Variants in ADD1 observed in about 807,000 individuals in gnomAD.
ADD1 encodes adducin 1.
ADD1 carries 24 observed loss-of-function variants against 80.5 expected under a neutral mutation model. The observed-to-expected ratio is 0.30, with a 90% CI of 0.22 to 0.42. The LOEUF is 0.42. Ranked by LOEUF, ADD1 falls within the 10% of genes least tolerant of loss-of-function variation. The pLI is 1.00. For missense variants in ADD1, 948 were observed against 1,019.0 expected, an observed-to-expected ratio of 0.93 and a Z score of 0.95; for synonymous variants, 373 against 393.8, an observed-to-expected ratio of 0.95 and a Z score of 0.63.
At chr4:2,863,426 G>T (rs550602546) in intron 1 of ADD1, among the ~76,000 whole-genome samples, 11 of 152,090 alleles carry the variant, frequency 7.2e-5, no homozygotes, top group African/African-American at 2.7e-4. Context: ...GTAATAATTA[G>T]AAGCAAATTA....
chr4:2,925,853 G>GCTTC (rs908864969), intron 14 of ADD1, among the ~76,000 whole-genome samples, 161 bp from the exon 15 acceptor site: 12 of 152,364 alleles, frequency 7.9e-5, no homozygotes, highest in African/African-American at 2.6e-4. Context: ...CCAGGTCACA[G>GCTTC]CTTCCTTTAT....
chr4:2,876,794 A>C (rs1475743597), intron 2 of ADD1, among the ~76,000 whole-genome samples: 1 of 150,900 alleles, frequency 6.6e-6, no homozygotes. Context: ...AGCCGAGATC[A>C]TGCCACTGCA....
intron 1 of ADD1, among the ~76,000 whole-genome samples, chr4:2,851,884 C>T (rs1577415357): frequency 6.6e-6 from 1 of 152,068 alleles, no homozygotes; most frequent in East Asian, 1.9e-4. Flanking sequence ...TCTTGTTGCC[C>T]AGGCTGGAGC....
chr4:2,884,291 C>G (rs975410612), intron 3 of ADD1, among the ~76,000 whole-genome samples: 12 of 152,196 alleles, frequency 7.9e-5, no homozygotes, highest in Non-Finnish European at 4.4e-5. Context: ...AGATAAATAT[C>G]TCAGAACCAT....
In ADD1 at chr4:2,904,636, G is replaced by A. The variant is rs543430304; in HGVS notation, c.1162-128G>A. 88 of 818,644 alleles carry A rather than the reference G, an allele frequency of 1.1e-4. 1 individual carries two copies. The highest frequency in any genetic ancestry group is 7.4e-4 in the South Asian group (42 of 56,740). The allele number at this position is 818,644 out of a possible 1,614,324, so 50.7% of individuals were successfully genotyped here. ...GCTTCTGTGGGGTGTAAAATTAGGA[G>A]TGGAATTACTGAGTCATAGGGTATG... On this transcript the variant is annotated intron_variant, in intron 9 of 15. Coordinates refer to ENST00000683351, the MANE Select transcript of ADD1 (RefSeq NM_001354761.2).
chr4:2,915,939 C>T (rs569789009), intron 14 of ADD1, among the ~76,000 whole-genome samples: 9 of 152,246 alleles, frequency 5.9e-5, no homozygotes, highest in Admixed American at 1.3e-4. Flanking sequence ...TAAGACACAC[C>T]GGGGCCCCTC....
intron 1 of ADD1, among the ~76,000 whole-genome samples, chr4:2,856,506 G>A (rs1294050743): frequency 6.7e-6 from 1 of 148,756 alleles, no homozygotes; most frequent in African/African-American, 2.5e-5. Context: ...CTGGGAAGTT[G>A]TCAGCCATTT....
At chr4:2,922,642 T>C (rs1477170281) in intron 14 of ADD1, among the ~76,000 whole-genome samples, 1 of 152,268 alleles carries the variant, frequency 6.6e-6, no homozygotes, top group African/African-American at 2.4e-5. Context: ...GTTGGCTGTC[T>C]GTCCCTCAGC....
At chr4:2,880,878 A>G (rs1732198127) in intron 2 of ADD1, among the ~76,000 whole-genome samples, 1 of 152,132 alleles carries the variant, frequency 6.6e-6, no homozygotes, top group Non-Finnish European at 1.5e-5. Flanking sequence ...TAAAATCACC[A>G]TCAATCCAAT....
intron 1 of ADD1, chr4:2,853,324 C>G (rs1727597739): frequency 6.6e-6 from 1 of 152,116 alleles, no homozygotes; most frequent in South Asian, 2.1e-4. Context: ...CCAGGCTGGT[C>G]TCAAACATCT....
chr4:2,851,846 C>G (rs570772185), intron 1 of ADD1, among the ~76,000 whole-genome samples: 3 of 146,052 alleles, frequency 2.1e-5, no homozygotes, highest in Non-Finnish European at 4.6e-5. Context: ...AGTTTTTATT[C>G]TTTTTTTTTT....
intron 1 of ADD1, among the ~76,000 whole-genome samples, chr4:2,847,548 G>A (rs1406484227): frequency 6.6e-6 from 1 of 152,146 alleles, no homozygotes; most frequent in Non-Finnish European, 1.5e-5. Context: ...TTCAGTCTCA[G>A]AACAAGATGA....
chr4:2,925,927 C>T (rs941253728), intron 14 of ADD1, 87 bp from the exon 15 acceptor site: 34 of 1,134,290 alleles, frequency 3.0e-5, no homozygotes, highest in African/African-American at 1.7e-4. Context: ...GGCGGCCGAG[C>T]GGGCTGCCCC....
intron 15 of ADD1, among the ~76,000 whole-genome samples, chr4:2,927,854 C>G (rs1356609936): frequency 1.3e-5 from 2 of 152,092 alleles, no homozygotes; most frequent in Non-Finnish European, 2.9e-5. Flanking sequence ...CGGGACGTCG[C>G]TCCTTTAGTC....
chr4:2,911,315 A>G (rs765958704), intron 13 of ADD1, among the ~76,000 whole-genome samples: 5 of 152,110 alleles, frequency 3.3e-5, no homozygotes, highest in African/African-American at 4.8e-5. Context: ...CCCACAGTGC[A>G]AGTGTTGCCT....
At chr4:2,901,800 G>A (rs529675743) in intron 9 of ADD1, 1 of 150,606 alleles carries the variant, frequency 6.6e-6, no homozygotes, top group Non-Finnish European at 1.5e-5. Flanking sequence ...CAAAAAGAGA[G>A]ATAATATTTC....
intron 1 of ADD1, among the ~76,000 whole-genome samples, chr4:2,850,073 G>T (rs1220593977): frequency 6.6e-6 from 1 of 152,206 alleles, no homozygotes; most frequent in Non-Finnish European, 1.5e-5. Flanking sequence ...ATGTCCATCA[G>T]CTAATGAGTG....
intron 14 of ADD1, among the ~76,000 whole-genome samples, chr4:2,915,810 A>T (rs984518084): frequency 2.0e-5 from 3 of 152,176 alleles, no homozygotes; most frequent in Non-Finnish European, 4.4e-5. Context: ...GGCATCTCAA[A>T]AAAAAAGAAA....
At chr4:2,885,223 T>C (rs1733051282) in intron 4 of ADD1, among the ~76,000 whole-genome samples, 1 of 152,158 alleles carries the variant, frequency 6.6e-6, no homozygotes, top group East Asian at 1.9e-4. Context: ...ATCTTGTATT[T>C]CATAGTCCCT....
Sources: allele counts gnomAD v4.1 joint callset (sites outside exome capture counted in the v4.1 genomes callset), GRCh38; gene constraint gnomAD v4.1.1; transcripts MANE v1.5; gene names NCBI Gene and HGNC (gene_info 2026-07-23, HGNC 2026-07-21).